Variants in MARCHF1 observed in about 807,000 individuals in gnomAD.
MARCHF1 encodes membrane associated ring-CH-type finger 1.
A neutral mutation model predicts 54.2 loss-of-function variants in MARCHF1; 40 were observed. The ratio of observed to expected loss-of-function variants is 0.74; its 90% CI spans 0.57 to 0.96. The LOEUF (loss-of-function observed/expected upper bound fraction) is 0.96, where lower values mean the gene tolerates loss of function less well. Ranked by LOEUF, MARCHF1 falls within the 40% of genes least tolerant of loss-of-function variation. The pLI is 0.00. For synonymous variants in MARCHF1, 236 were observed against 236.3 expected, an observed-to-expected ratio of 1.00 and a Z score of 0.01; for missense variants, 586 against 656.5, an observed-to-expected ratio of 0.89 and a Z score of 1.17.
At chr4:164,276,221 A>G (rs1376513025) in intron 1 of MARCHF1, among the ~76,000 whole-genome samples, 1 of 152,158 alleles carries the variant, frequency 6.6e-6, no homozygotes, top group African/African-American at 2.4e-5. Context: ...TGAAGTTTTT[A>G]TCTTTACCTC....
intron 5 of MARCHF1, among the ~76,000 whole-genome samples, chr4:163,658,095 A>G (rs1379228476): frequency 6.6e-6 from 1 of 152,122 alleles, no homozygotes; most frequent in East Asian, 1.9e-4. Context: ...AGCAAAATAA[A>G]CTATCATCAG....
intron 4 of MARCHF1, among the ~76,000 whole-genome samples, chr4:163,811,218 T>G (rs1748374805): frequency 6.6e-6 from 1 of 152,186 alleles, no homozygotes; most frequent in African/African-American, 2.4e-5. Context: ...TCTAATTTGT[T>G]CCGATTTTAT....
chr4:164,115,261 C>T (rs771539495), intron 1 of MARCHF1, among the ~76,000 whole-genome samples: 16 of 151,790 alleles, frequency 1.1e-4, no homozygotes, highest in East Asian at 1.9e-4. Flanking sequence ...AATGAGGAAA[C>T]GTGAATAAAA....
chr4:163,788,854 C>A (rs533229212), intron 4 of MARCHF1, among the ~76,000 whole-genome samples: 2 of 152,012 alleles, frequency 1.3e-5, no homozygotes, highest in Non-Finnish European at 2.9e-5. Context: ...CTTTAGCAGA[C>A]AGCAATCTCA....
intron 1 of MARCHF1, among the ~76,000 whole-genome samples, chr4:164,118,127 A>G (rs576336072): frequency 8.5e-5 from 13 of 152,148 alleles, no homozygotes; most frequent in African/African-American, 3.1e-4. Context: ...TCACTAACAA[A>G]AAAACATAAA....
At chr4:164,123,248 C>A (rs908058229) in intron 1 of MARCHF1, among the ~76,000 whole-genome samples, 8 of 151,808 alleles carry the variant, frequency 5.3e-5, no homozygotes, top group African/African-American at 1.9e-4. Context: ...AGGAATTAAC[C>A]AAATAAGTAA....
At chr4:163,556,575 T>A (rs1006625889) in intron 8 of MARCHF1, among the ~76,000 whole-genome samples, 5 of 151,474 alleles carry the variant, frequency 3.3e-5, no homozygotes, top group African/African-American at 1.2e-4. Context: ...CTCTCGAGAG[T>A]CTCTTAGCCA....
At chr4:164,373,238 A>G (rs1234403275) in intron 1 of MARCHF1, among the ~76,000 whole-genome samples, 2 of 151,968 alleles carry the variant, frequency 1.3e-5, no homozygotes, top group Non-Finnish European at 2.9e-5. Flanking sequence ...GTGAGTGGAG[A>G]TTTCAACACA....
chr4:164,100,316 C>G (rs1211428958), intron 2 of MARCHF1, among the ~76,000 whole-genome samples: 1 of 152,198 alleles, frequency 6.6e-6, no homozygotes, highest in Non-Finnish European at 1.5e-5. Context: ...AGAGTCAACT[C>G]AAGGTTTTGC....
intron 3 of MARCHF1, among the ~76,000 whole-genome samples, chr4:163,907,491 T>G (rs1229984102): frequency 6.6e-6 from 1 of 152,130 alleles, no homozygotes; most frequent in Non-Finnish European, 1.5e-5. Context: ...AATGGCCCCA[T>G]GTAAACAAAG....
chr4:164,074,755 G>A (rs1318136616), intron 2 of MARCHF1, among the ~76,000 whole-genome samples: 2 of 151,756 alleles, frequency 1.3e-5, no homozygotes, highest in African/African-American at 2.4e-5. Context: ...GTTTTAAATC[G>A]ATCTTTAGTG....
chr4:163,587,071 T>G (rs1440017750), intron 7 of MARCHF1, among the ~76,000 whole-genome samples: 1 of 152,206 alleles, frequency 6.6e-6, no homozygotes, highest in South Asian at 2.1e-4. Context: ...ATGAATTGAG[T>G]TGAATTTGTT....
In MARCHF1 at chr4:164,376,522, A is replaced by T. The variant is rs549396158; in HGVS notation, c.-323+7348T>A. Among the ~76,000 whole-genome samples, 3 of 152,300 alleles carry T rather than the reference A, an allele frequency of 2.0e-5. No individual in the cohort carries two copies. The South Asian group carries it at 6.2e-4, about 32-fold the overall frequency. On this transcript the variant is annotated intron_variant, in intron 1 of 9. Transcript: ENST00000514618. The stretch of plus-strand genomic sequence containing the variant: ...GAGAGTAGGAGTGAGGCACCGGGTA[A>T]AGTGAACCAGGGAGAGAGTAAAGGC...
intron 8 of MARCHF1, chr4:163,583,652 G>GTTTTTTTTTTTTTTTTTTTTTTTTTT (rs11350711): frequency 8.1e-6 from 1 of 123,826 alleles, no homozygotes; most frequent in African/African-American, 3.1e-5. Flanking sequence ...TTTTTTGTGT[G>GTTTTTTTTTTTTTTTTTTTTTTTTTT]TTTTTTTTTT....
chr4:163,842,465 G>A (rs1192330307), intron 4 of MARCHF1, among the ~76,000 whole-genome samples: 1 of 152,000 alleles, frequency 6.6e-6, no homozygotes. Flanking sequence ...TTTTAATGAA[G>A]TCAATATTTG....
chr4:164,215,232 A>G (rs1731894353), intron 1 of MARCHF1, among the ~76,000 whole-genome samples: 1 of 152,036 alleles, frequency 6.6e-6, no homozygotes, highest in Non-Finnish European at 1.5e-5. Context: ...GCCAGAAGAG[A>G]GATGGTTTTC....
At chr4:163,873,079 A>C (rs1750212133) in intron 3 of MARCHF1, among the ~76,000 whole-genome samples, 4 of 145,300 alleles carry the variant, frequency 2.8e-5, no homozygotes, top group Admixed American at 2.7e-4. Flanking sequence ...AAAAAAACAA[A>C]CAAACAAACA....
chr4:163,726,130 T>C (rs962670243), intron 4 of MARCHF1, among the ~76,000 whole-genome samples: 4 of 152,160 alleles, frequency 2.6e-5, no homozygotes, highest in Non-Finnish European at 4.4e-5. Flanking sequence ...TGACACATCA[T>C]TATCACCCAA....
chr4:164,023,358 T>C (rs1168305693), intron 2 of MARCHF1, among the ~76,000 whole-genome samples: 1 of 152,044 alleles, frequency 6.6e-6, no homozygotes, highest in African/African-American at 2.4e-5. Context: ...GAGCACTGCT[T>C]GCAACACAAG....
Sources: gnomAD v4.1 joint callset for allele counts (sites outside exome capture counted in the v4.1 genomes callset) on GRCh38, gnomAD v4.1.1 for gene constraint, MANE v1.5 for transcripts, NCBI Gene and HGNC (gene_info 2026-07-23, HGNC 2026-07-21) for gene names.